Variants in HIVEP3 observed in about 807,000 individuals in gnomAD.
HIVEP3 encodes the protein transcription factor HIVEP3.
Under a neutral mutation model 152.8 loss-of-function variants are expected in HIVEP3, and 49 were observed. The ratio of observed to expected loss-of-function variants is 0.32; its 90% confidence interval spans 0.26 to 0.41. HIVEP3 has a LOEUF of 0.41. Among genes scored for constraint, HIVEP3 ranks in the 10% least tolerant of loss-of-function variants. The pLI is 1.00. For missense variants in HIVEP3, 2,790 were observed against 3,103.3 expected (o/e 0.90, Z 2.40); for synonymous variants, 1,269 against 1,289.0 (o/e 0.98, Z 0.33).
intron 1 of HIVEP3, among the ~76,000 whole-genome samples, chr1:42,027,321 G>A (rs1335517359): frequency 6.6e-6 from 1 of 152,070 alleles, no homozygotes; most frequent in Non-Finnish European, 1.5e-5. Context: ...ATTTTATCAG[G>A]ACTATTGCAT....
chr1:41,794,787 A>G (rs1169039595), intron 1 of HIVEP3, among the ~76,000 whole-genome samples: 1 of 152,132 alleles, frequency 6.6e-6, no homozygotes, highest in Non-Finnish European at 1.5e-5. Flanking sequence ...CTGGGGAAGA[A>G]TTTTTTTAAC....
chr1:41,920,582 T>TG (rs1262043024), upstream of HIVEP3, among the ~76,000 whole-genome samples: 147 of 126,890 alleles, frequency 1.2e-3, 1 homozygote, highest in Non-Finnish European at 2.0e-3. Context: ...AGATGGTTTT[T>TG]TTTTTTTTGT....
Position 41,582,030 on chromosome 1 carries a change from T to TA in HIVEP3, c.2767_2768insT (p.Glu923ValfsTer28). On this transcript the variant is annotated frameshift_variant, in exon 4 of 9. Coordinates refer to ENST00000372583, the MANE Select transcript of HIVEP3 (RefSeq NM_024503.5). LOFTEE classifies it high-confidence loss of function. The surrounding 1 kb of genome is among the most constrained non-coding windows in gnomAD (Gnocchi z 4.7). ...GCTGCGAGACAGAGGCACAGAGGAC[T>TA]CGAAGCTGGACTCCCCTGATGATTG... The TA allele has an allele frequency of 6.2e-7, 1 of 1,614,126 alleles. No individual in the cohort carries two copies. The highest frequency in any genetic ancestry group is 8.5e-7 in the Non-Finnish European group (1 of 1,180,024).
intron 1 of HIVEP3, among the ~76,000 whole-genome samples, chr1:41,974,012 C>T (rs1310909889): frequency 6.6e-6 from 1 of 152,044 alleles, no homozygotes; most frequent in Non-Finnish European, 1.5e-5. Context: ...AGAGAGAAAA[C>T]TAGTGTCTTC....
rs555083379 is a variant in HIVEP3 at position 41,522,803 on chromosome 1, G to A, written c.5383+1932C>T. On this transcript the variant is annotated intron_variant, in intron 6 of 8. Transcript: ENST00000372583. ...GGGCTGGAAACTTCCAGTCTCACGCGGCAGAGTGATGGTTTCCTGAGGCGA... is the reference window on the plus strand; with the variant it reads ...GGGCTGGAAACTTCCAGTCTCACGCAGCAGAGTGATGGTTTCCTGAGGCGA... 1.9e-4 allele frequency among the ~76,000 whole-genome samples: 29 copies of A among 152,186 alleles called. No individual in the cohort carries two copies. In the South Asian group the frequency reaches 4.2e-3, roughly 22 times the overall value.
At chr1:41,576,785 G>A (rs1212483438) in intron 4 of HIVEP3, among the ~76,000 whole-genome samples, 3 of 152,184 alleles carry the variant, frequency 2.0e-5, no homozygotes, top group Non-Finnish European at 4.4e-5. Flanking sequence ...CCGTTTGGTG[G>A]ATGACTTCAC....
chr1:41,725,431 T>C (rs1646738535), intron 1 of HIVEP3, among the ~76,000 whole-genome samples: 1 of 152,190 alleles, frequency 6.6e-6, no homozygotes, highest in Non-Finnish European at 1.5e-5. Flanking sequence ...GGATGTTCAA[T>C]CTTCAAGGGC....
Position 41,866,783 on chromosome 1 carries a change from A to G in HIVEP3, c.-801+51630T>C, listed in dbSNP as rs1643983598. On this transcript the variant is annotated intron_variant, in intron 1 of 8. Coordinates refer to ENST00000372583, the MANE Select transcript of HIVEP3 (RefSeq NM_024503.5). ...TTCCTCAAGCAAATCACCCCGGTAC[A>G]GTCAGCAGCTGCAGAGCACAGGGAG... Among the ~76,000 whole-genome samples, 3 of 152,222 alleles carry G rather than the reference A, an allele frequency of 2.0e-5. No individual in the cohort carries two copies. The South Asian group carries it at 6.2e-4, about 32-fold the overall frequency.
chr1:41,812,135 C>T (rs571328611), intron 1 of HIVEP3, among the ~76,000 whole-genome samples: 33 of 152,328 alleles, frequency 2.2e-4, no homozygotes, highest in African/African-American at 7.7e-4. Context: ...AGGGCTGAGG[C>T]TGTGGAATCC....
chr1:41,661,235 G>A (rs965899860), intron 2 of HIVEP3, among the ~76,000 whole-genome samples: 1 of 152,132 alleles, frequency 6.6e-6, no homozygotes, highest in Non-Finnish European at 1.5e-5. Context: ...TTTCCCCTAT[G>A]TCCTTGATGA....
intron 1 of HIVEP3, among the ~76,000 whole-genome samples, chr1:41,905,497 C>T (rs1362274210): frequency 1.3e-5 from 2 of 152,200 alleles, no homozygotes; most frequent in East Asian, 3.9e-4. Flanking sequence ...CATTCAACAA[C>T]ATAGTATTCC....
intron 6 of HIVEP3, among the ~76,000 whole-genome samples, chr1:41,523,126 T>C (rs1299979915): frequency 2.6e-5 from 4 of 152,228 alleles, no homozygotes; most frequent in African/African-American, 7.2e-5. Context: ...GACCGTCCAT[T>C]GAATTGTCAG....
chr1:41,673,871 T>A (rs1472845516), intron 2 of HIVEP3, among the ~76,000 whole-genome samples: 1 of 152,204 alleles, frequency 6.6e-6, no homozygotes, highest in Non-Finnish European at 1.5e-5. Context: ...GCCAGTTCGT[T>A]AAAAGCATCA....
At chr1:41,712,553 C>T (rs1313456341) in intron 1 of HIVEP3, among the ~76,000 whole-genome samples, 2 of 152,286 alleles carry the variant, frequency 1.3e-5, no homozygotes, top group East Asian at 1.9e-4. Context: ...TGGTCAGGGC[C>T]GATGCTAACA....
At position 41,727,783 on chromosome 1, in the gene HIVEP3, T is replaced by A. The variant is rs189266181; in HGVS notation, c.-800-26788A>T. Reference sequence around the variant, plus strand: ...AGACACAGAGCCCCAAGCCCTGGGCTGGAGTCGTAGTCAGCTACTTCCTGC... The same window carrying A: ...AGACACAGAGCCCCAAGCCCTGGGCAGGAGTCGTAGTCAGCTACTTCCTGC... On this transcript the variant is annotated intron_variant, in intron 1 of 8. Coordinates refer to ENST00000372583, the MANE Select transcript of HIVEP3 (RefSeq NM_024503.5). 3.7e-3 allele frequency among the ~76,000 whole-genome samples: 570 copies of A among 152,334 alleles called. 2 individuals carry two copies. The highest frequency in any genetic ancestry group is 6.8e-3 in the Non-Finnish European group (465 of 68,018).
chr1:41,578,039 T>A (rs1644351978), intron 4 of HIVEP3, among the ~76,000 whole-genome samples: 1 of 152,220 alleles, frequency 6.6e-6, no homozygotes, highest in Admixed American at 6.5e-5. Context: ...CCTGTAACAT[T>A]TTCAGTCATT....
chr1:41,674,653 G>A (rs1287262780), intron 2 of HIVEP3, among the ~76,000 whole-genome samples: 4 of 152,154 alleles, frequency 2.6e-5, no homozygotes, highest in African/African-American at 7.2e-5. Flanking sequence ...CCTTTGTCCA[G>A]GGTTATCCCA....
chr1:41,780,126 C>T (rs1648955235), intron 1 of HIVEP3, among the ~76,000 whole-genome samples: 1 of 152,110 alleles, frequency 6.6e-6, no homozygotes, highest in Admixed American at 6.5e-5. Flanking sequence ...GAGGAGAGAA[C>T]CAAAGTGGAG....
intron 1 of HIVEP3, among the ~76,000 whole-genome samples, chr1:41,889,045 CA>C (rs1644403483): frequency 6.7e-6 from 1 of 149,804 alleles, no homozygotes; most frequent in African/African-American, 2.5e-5. Flanking sequence ...CACACACACA[CA>C]CACACCACAC....
Sources: allele counts gnomAD v4.1 joint callset (sites outside exome capture counted in the v4.1 genomes callset), GRCh38; gene constraint gnomAD v4.1.1; non-coding constraint Gnocchi (gnomAD v3.1); transcripts MANE v1.5; gene names NCBI Gene and HGNC (gene_info 2026-07-23, HGNC 2026-07-21).